The following MTMR14 variants were observed in gnomAD, a reference collection of about 807,000 sequenced individuals.
MTMR14 encodes the protein phosphatidylinositol-3,5-bisphosphate 3-phosphatase MTMR14.
MTMR14 carries 48 observed loss-of-function variants against 86.3 expected under a neutral mutation model. That is an observed-to-expected ratio of 0.56 (90% confidence interval 0.44 to 0.71). MTMR14 has a LOEUF of 0.71. Ranked by LOEUF, MTMR14 falls within the 30% of genes least tolerant of loss-of-function variation. The probability of loss-of-function intolerance (pLI) is 0.00; values close to 1 mark genes in which losing one functional copy is unlikely to be tolerated. For synonymous variants in MTMR14, 366 were observed against 326.1 expected (o/e 1.12, Z -1.32); for missense variants, 780 against 834.6 (o/e 0.93, Z 0.81).
intron 7 of MTMR14, among the ~76,000 whole-genome samples, chr3:9,674,486 T>G (rs955624611): frequency 3.9e-5 from 6 of 152,196 alleles, no homozygotes; most frequent in African/African-American, 1.4e-4. Flanking sequence ...TATTGTATAG[T>G]CATAGAAGAA....
Position 9,655,630 on chromosome 3 carries a change from T to C in MTMR14, c.308+1861T>C, listed in dbSNP as rs142439858. 2.0e-3 allele frequency among the ~76,000 whole-genome samples: 308 copies of C among 150,830 alleles called. 4 individuals are homozygous for C. Among genetic ancestry groups the C allele is most frequent in the African/African-American group, 7.3e-3 (300 of 41,162 alleles). ...CGCCCGCCACCACGCCCAGCTACTT[T>C]TTTTGTATTTTTAGTAGAGACAGGG... On this transcript the variant is annotated intron_variant, in intron 2 of 18. Transcript: ENST00000296003.
intron 18 of MTMR14, among the ~76,000 whole-genome samples, chr3:9,698,829 C>T (rs866817789): frequency 6.6e-6 from 1 of 152,016 alleles, no homozygotes; most frequent in African/African-American, 2.4e-5. Context: ...CTGCAGCCAG[C>T]CCCTAGGCTA....
intron 3 of MTMR14, among the ~76,000 whole-genome samples, chr3:9,662,860 A>C (rs2048019077): frequency 6.6e-6 from 1 of 152,186 alleles, no homozygotes; most frequent in Non-Finnish European, 1.5e-5. Context: ...ATTGTCATGG[A>C]GCTTATATTC....
chr3:9,679,125 CTA>C (rs1464418821), intron 9 of MTMR14, among the ~76,000 whole-genome samples: 2 of 152,158 alleles, frequency 1.3e-5, no homozygotes, highest in Non-Finnish European at 2.9e-5. Flanking sequence ...CTTGTTTTCT[CTA>C]TATATATCCA....
intron 18 of MTMR14, among the ~76,000 whole-genome samples, chr3:9,698,168 T>C (rs2076341716): frequency 6.6e-6 from 1 of 152,246 alleles, no homozygotes; most frequent in South Asian, 2.1e-4. Flanking sequence ...AGCCTTTGCC[T>C]GACATGAGAA....
At position 9,701,592 on chromosome 3, in the gene MTMR14, C is replaced by T; in HGVS notation, c.1770-198C>T. 1.5e-6 allele frequency: 1 copy of T among 666,180 alleles called. No homozygotes were observed. The highest frequency in any genetic ancestry group is 2.2e-5 in the Admixed American group (1 of 44,552). The allele number at this position is 666,180 out of a possible 1,614,324, so 41.3% of individuals were successfully genotyped here. A position where few individuals can be genotyped will look rare whatever the true frequency, so the allele number is the denominator to read the frequency against. ...CTAGGTGGGAACAGTAGCCTGAGGG[C>T]TTAGAGGAATGGTTTAAGGGAAAAC... On this transcript the variant is annotated intron_variant, in intron 18 of 18. Transcript: ENST00000296003. The surrounding 1 kb of genome is among the most constrained non-coding windows in gnomAD (Gnocchi z 4.2).
In MTMR14 at chr3:9,670,263, C is replaced by A. The variant is rs181420110; in HGVS notation, c.554+771C>A. 1.1e-4 allele frequency among the ~76,000 whole-genome samples: 16 copies of A among 152,222 alleles called. 1 individual carries two copies. The highest frequency in any genetic ancestry group is 3.9e-4 in the African/African-American group (16 of 41,458). Reference sequence around the variant, plus strand: ...GCTATGCCCAGGTTCTGCCTGTTAGCTCTGAAAGCAGCGGCTCTGGCTTGT... The same window carrying A: ...GCTATGCCCAGGTTCTGCCTGTTAGATCTGAAAGCAGCGGCTCTGGCTTGT... On this transcript the variant is annotated intron_variant, in intron 5 of 18. Transcript: ENST00000296003.
chr3:9,654,903 T>A (rs567754945), intron 2 of MTMR14, among the ~76,000 whole-genome samples: 1 of 152,174 alleles, frequency 6.6e-6, no homozygotes, highest in African/African-American at 2.4e-5. Flanking sequence ...TAATTCTGCC[T>A]TGTGTTTATG....
At chr3:9,693,932 T>G (rs954151832) in intron 17 of MTMR14, among the ~76,000 whole-genome samples, 1 of 152,216 alleles carries the variant, frequency 6.6e-6, no homozygotes, top group Non-Finnish European at 1.5e-5. Flanking sequence ...TCCAGCTCTA[T>G]TTCCCCGTAG....
At chr3:9,690,608 A>C (rs1165188949) in intron 17 of MTMR14, among the ~76,000 whole-genome samples, 1 of 152,216 alleles carries the variant, frequency 6.6e-6, no homozygotes, top group African/African-American at 2.4e-5. Context: ...ACACCTGGAA[A>C]GGGAGCAGCT....
intron 4 of MTMR14, 116 bp from the exon 5 acceptor site, chr3:9,669,316 G>C (rs1173802213): frequency 2.1e-6 from 2 of 933,118 alleles, no homozygotes; most frequent in Non-Finnish European, 3.3e-6. Flanking sequence ...CTTAGGAGTA[G>C]AGCCATGTAG....
chr3:9,651,277 T>C (rs1203875209), intron 1 of MTMR14, among the ~76,000 whole-genome samples: 1 of 151,684 alleles, frequency 6.6e-6, no homozygotes, highest in Non-Finnish European at 1.5e-5. Context: ...AATTTTTCTT[T>C]ATTTTCCTAG....
intron 12 of MTMR14, 38 bp downstream of exon 12, chr3:9,685,002 A>G: frequency 6.3e-7 from 1 of 1,592,848 alleles, no homozygotes; most frequent in Non-Finnish European, 8.6e-7. Context: ...GGGCCTTAGT[A>G]ACAGTTTCTA....
intron 1 of MTMR14, chr3:9,650,558 T>C (rs899112430): frequency 2.9e-6 from 1 of 339,502 alleles, no homozygotes; most frequent in African/African-American, 2.1e-5. Context: ...GTTGGCATCT[T>C]GTAGTCTCTG....
intron 7 of MTMR14, chr3:9,675,432 C>G (rs2048804254): frequency 5.8e-6 from 2 of 344,012 alleles, no homozygotes; most frequent in South Asian, 4.7e-5. Context: ...TCAGTTGAGC[C>G]CTGTGATGAC....
chr3:9,664,221 C>G (rs2048120410), intron 3 of MTMR14, among the ~76,000 whole-genome samples: 1 of 150,086 alleles, frequency 6.7e-6, no homozygotes, highest in South Asian at 2.1e-4. Context: ...CATTATCTGT[C>G]AAATAAGAAT....
Position 9,701,950 on chromosome 3 carries a change from A to G in MTMR14, c.1930A>G (p.Ser644Gly), listed in dbSNP as rs765776636. 6 of 1,614,190 alleles carry G rather than the reference A, an allele frequency of 3.7e-6. No individual in the cohort carries two copies. Among genetic ancestry groups the G allele is most frequent in the Non-Finnish European group, 5.1e-6 (6 of 1,180,034 alleles). Reference sequence around the variant, plus strand: ...ATTTGCCCGTGGTGTTGGACTCCGGAGCATCAGCAGCAATGCCTTGTGAAG... The same window carrying G: ...ATTTGCCCGTGGTGTTGGACTCCGGGGCATCAGCAGCAATGCCTTGTGAAG... ...EQFARGVGLR[S>G]ISSNAL The change falls in exon 19 of 19, where the codon AGC (serine) becomes GGC (glycine). Residue 644 changes from serine to glycine, a missense_variant. By Grantham distance (56) the Ser-to-Gly change is moderately conservative (BLOSUM62 0). Transcript: ENST00000296003. This position sits in a 1 kb window ranked among gnomAD's most constrained non-coding sequence, Gnocchi z 4.2.
intron 10 of MTMR14, 109 bp downstream of exon 10, chr3:9,683,353 T>C (rs2075832851): frequency 1.9e-6 from 2 of 1,068,392 alleles, no homozygotes; most frequent in Admixed American, 3.7e-5. Context: ...ACTTTTGTGC[T>C]GTGGGAGAGG....
chr3:9,697,897 T>C, intron 18 of MTMR14, 31 bp downstream of exon 18: 1 of 1,613,180 alleles, frequency 6.2e-7, no homozygotes, highest in Non-Finnish European at 8.5e-7. Flanking sequence ...GGCAGGATGC[T>C]CCCCTGCCCA....
Sources: gnomAD v4.1 joint callset for allele counts (sites outside exome capture counted in the v4.1 genomes callset) on GRCh38, gnomAD v4.1.1 for gene constraint, Gnocchi (gnomAD v3.1) non-coding constraint, MANE v1.5 for transcripts, NCBI Gene and HGNC (gene_info 2026-07-23, HGNC 2026-07-21) for gene names.